Variants in HK2 observed in about 807,000 individuals in gnomAD.
The protein encoded by HK2 is hexokinase-2.
HK2 carries 42 observed loss-of-function variants against 92.9 expected under a neutral mutation model. The observed-to-expected ratio is 0.45, with a 90% CI of 0.35 to 0.58. The LOEUF (loss-of-function observed/expected upper bound fraction) is 0.58. HK2 is among the 20% of genes least tolerant of loss of function. The pLI is 0.00. For missense variants in HK2, 978 were observed against 1,245.1 expected (o/e 0.79, Z 3.23); for synonymous variants, 422 against 468.0 (o/e 0.90, Z 1.27).
intron 1 of HK2, among the ~76,000 whole-genome samples, chr2:74,839,657 C>A (rs2103829240): frequency 7.0e-6 from 1 of 142,790 alleles, no homozygotes; most frequent in Admixed American, 6.8e-5. Context: ...CAGCCAAAGT[C>A]AATTTTTTTT....
Position 74,873,263 on chromosome 2 carries a change from G to A in HK2, c.496-13G>A. On this transcript the variant is annotated splice_polypyrimidine_tract_variant and intron_variant, in intron 4 of 17. Transcript: ENST00000290573. ...AGTGGGAAATCAATATTCACTTCTTGGTCCCTTTCCAGAGTTTCCTGGTCT... is the reference window on the plus strand; with the variant it reads ...AGTGGGAAATCAATATTCACTTCTTAGTCCCTTTCCAGAGTTTCCTGGTCT... 2 of 1,592,740 alleles carry A rather than the reference G, an allele frequency of 1.3e-6. No individual in the cohort carries two copies. The highest frequency in any genetic ancestry group is 1.7e-6 in the Non-Finnish European group (2 of 1,160,580).
intron 3 of HK2, among the ~76,000 whole-genome samples, chr2:74,870,257 G>A (rs961685927): frequency 1.2e-4 from 18 of 152,174 alleles, no homozygotes; most frequent in South Asian, 4.1e-4. Context: ...TGATCTGCCC[G>A]TCTTCGCCTC....
intron 1 of HK2, among the ~76,000 whole-genome samples, chr2:74,850,901 C>G (rs1292571032): frequency 6.6e-6 from 1 of 152,146 alleles, no homozygotes; most frequent in East Asian, 1.9e-4. Flanking sequence ...CATCATCATG[C>G]CCTGGTGCCA....
chr2:74,871,874 G>A (rs1326559732), intron 3 of HK2, among the ~76,000 whole-genome samples: 1 of 152,192 alleles, frequency 6.6e-6, no homozygotes, highest in African/African-American at 2.4e-5. Context: ...TTGGCAGCAA[G>A]ATGGGCTGGC....
chr2:74,851,532 A>G (rs767631912), intron 1 of HK2, among the ~76,000 whole-genome samples: 8 of 152,192 alleles, frequency 5.3e-5, no homozygotes, highest in Non-Finnish European at 1.0e-4. Flanking sequence ...CTGTCGTAGA[A>G]TTTGCTTTTT....
At chr2:74,861,155 C>T (rs954631598) in intron 2 of HK2, among the ~76,000 whole-genome samples, 2 of 152,122 alleles carry the variant, frequency 1.3e-5, no homozygotes, top group African/African-American at 2.4e-5. Context: ...GGGTCGGGCA[C>T]GGTGGCTTAC....
intron 1 of HK2, among the ~76,000 whole-genome samples, chr2:74,843,012 G>A (rs1688352700): frequency 6.6e-6 from 1 of 152,124 alleles, no homozygotes; most frequent in Non-Finnish European, 1.5e-5. Context: ...CTGCTGTGGA[G>A]TTTGTCAGTT....
Position 74,889,414 on chromosome 2 carries a change from C to T in HK2, c.2545C>T (p.Arg849Cys), listed in dbSNP as rs750043718. The T allele has an allele frequency of 1.9e-6, 3 of 1,614,090 alleles. No individual in the cohort carries two copies. Among genetic ancestry groups the T allele is most frequent in the South Asian group, 2.2e-5 (2 of 91,064 alleles). ...AAVVDRIREN[R>C]GLDALKVTVG... is the part of the protein sequence containing the mutation. The stretch of plus-strand genomic sequence containing the variant: ...TGTGGTGGACAGGATACGAGAAAAC[C>T]GTGGGCTGGACGCTCTCAAAGTGAC... The change falls in exon 17 of 18, where the codon CGT becomes TGT. Residue 849 changes from arginine to cysteine, a missense_variant. Arg to Cys is a radical substitution (Grantham distance 180). Around this residue, in one of 3 missense-constraint regions of HK2, gnomAD observed 742 missense variants for 922.5 expected, o/e 0.80. Transcript: ENST00000290573.
In HK2 at chr2:74,834,650, C is replaced by T. The variant is rs1688105600; in HGVS notation, c.63+7C>T. 2 of 1,613,918 alleles carry T rather than the reference C, an allele frequency of 1.2e-6. No individual in the cohort carries two copies. The highest frequency in any genetic ancestry group is 1.7e-6 in the Non-Finnish European group (2 of 1,179,816). On this transcript the variant is annotated splice_region_variant and intron_variant, in intron 1 of 17. Coordinates refer to ENST00000290573, the MANE Select transcript of HK2 (RefSeq NM_000189.5). The surrounding 1 kb of genome is among the most constrained non-coding windows in gnomAD (Gnocchi z 4.2). ...CCATGACCAAGTGCAGAAGGTAAGT[C>T]AGCGCGGGCGGGGCGGCAGGCTGGG... is the stretch of plus-strand genomic sequence containing the variant.
intron 2 of HK2, among the ~76,000 whole-genome samples, chr2:74,863,134 T>C (rs1451378776): frequency 6.6e-6 from 1 of 152,182 alleles, no homozygotes; most frequent in East Asian, 1.9e-4. Flanking sequence ...ATTTTGAGCT[T>C]AAGAAACACT....
At chr2:74,850,699 TCTC>T (rs1688547061) in intron 1 of HK2, among the ~76,000 whole-genome samples, 1 of 152,168 alleles carries the variant, frequency 6.6e-6, no homozygotes, top group Non-Finnish European at 1.5e-5. Flanking sequence ...ATTGCATTCA[TCTC>T]CTTCTCAATC....
At chr2:74,867,835 A>T in intron 3 of HK2, 51 bp downstream of exon 3, 1 of 1,607,842 alleles carries the variant, frequency 6.2e-7, no homozygotes, top group Non-Finnish European at 8.5e-7. Context: ...CTTCCTTGGC[A>T]TGTTCTTTCT....
At chr2:74,877,791 T>C (rs1689270732) in intron 8 of HK2, among the ~76,000 whole-genome samples, 1 of 152,236 alleles carries the variant, frequency 6.6e-6, no homozygotes, top group Non-Finnish European at 1.5e-5. Flanking sequence ...TAAGCAGAGC[T>C]GGGGCCTGCA....
chr2:74,880,039 T>G (rs1689341938), intron 9 of HK2, among the ~76,000 whole-genome samples: 1 of 152,192 alleles, frequency 6.6e-6, no homozygotes, highest in South Asian at 2.1e-4. Flanking sequence ...TTAAAAGGTC[T>G]TTTCCTTTCA....
intron 1 of HK2, among the ~76,000 whole-genome samples, chr2:74,837,497 G>C (rs185797599): frequency 1.3e-5 from 2 of 152,150 alleles, no homozygotes; most frequent in Admixed American, 1.3e-4. Context: ...TGGTTACTTT[G>C]GAGGCCTGCT....
chr2:74,874,561 C>A (rs948266200), intron 7 of HK2, 112 bp downstream of exon 7: 11 of 1,026,022 alleles, frequency 1.1e-5, no homozygotes, highest in Admixed American at 1.0e-4. Flanking sequence ...CAAAGCTTGC[C>A]AAGGTGGCCA....
At chr2:74,872,181 CAG>C in intron 3 of HK2, 117 bp from the exon 4 acceptor site, 1 of 970,002 alleles carries the variant, frequency 1.0e-6, no homozygotes, top group Non-Finnish European at 1.6e-6. Context: ...ATGAAGATAT[CAG>C]AGGAGATATG....
intron 2 of HK2, among the ~76,000 whole-genome samples, chr2:74,855,753 T>C (rs566225412): frequency 5.3e-5 from 8 of 152,124 alleles, no homozygotes; most frequent in South Asian, 4.1e-4. Flanking sequence ...ATTGGCAGTA[T>C]AGGTAGAGTG....
chr2:74,872,589 T>G, intron 4 of HK2, among the ~76,000 whole-genome samples, 170 bp downstream of exon 4: 1 of 134,988 alleles, frequency 7.4e-6, no homozygotes, highest in Non-Finnish European at 1.6e-5. Flanking sequence ...GGTGAAGAAA[T>G]CTGGGGGGTT....
Sources: gnomAD v4.1 joint callset for allele counts (sites outside exome capture counted in the v4.1 genomes callset) on GRCh38, gnomAD v4.1.1 for gene constraint, gnomAD v4.1.1 regional missense constraint, Gnocchi (gnomAD v3.1) non-coding constraint, MANE v1.5 for transcripts, NCBI Gene and HGNC (gene_info 2026-07-23, HGNC 2026-07-21) for gene names.